Variants in BMPR1B observed in about 807,000 individuals in gnomAD.
The protein encoded by BMPR1B is bone morphogenetic protein receptor type 1B.
In BMPR1B, 12 loss-of-function variants were observed where a neutral mutation model predicts 59.1. The observed-to-expected ratio is 0.20, with a 90% CI of 0.13 to 0.33. BMPR1B has a LOEUF of 0.33. Among genes scored for constraint, BMPR1B ranks in the 10% least tolerant of loss-of-function variants. The pLI, the probability that BMPR1B is intolerant of heterozygous loss-of-function variation, is 1.00. For missense variants in BMPR1B, 550 were observed against 610.9 expected (o/e 0.90, Z 1.05); for synonymous variants, 237 against 207.3 (o/e 1.14, Z -1.23).
chr4:94,892,946 G>T (rs1453549443), intron 2 of BMPR1B, among the ~76,000 whole-genome samples: 1 of 151,994 alleles, frequency 6.6e-6, no homozygotes, highest in Non-Finnish European at 1.5e-5. Flanking sequence ...GCTTCAGTTT[G>T]TTCATCTGTA....
At chr4:94,789,290 A>G (rs1261509925) in intron 1 of BMPR1B, among the ~76,000 whole-genome samples, 1 of 152,192 alleles carries the variant, frequency 6.6e-6, no homozygotes, top group East Asian at 1.9e-4. Context: ...ACGACTGTGG[A>G]ATGGTCAACG....
intron 3 of BMPR1B, among the ~76,000 whole-genome samples, chr4:95,059,810 G>C (rs1336169028): frequency 6.6e-6 from 1 of 152,126 alleles, no homozygotes; most frequent in Non-Finnish European, 1.5e-5. Context: ...AGGGTTTTGA[G>C]CAAATTTTGG....
chr4:95,070,046 C>G (rs1257321260), intron 3 of BMPR1B, among the ~76,000 whole-genome samples: 1 of 152,172 alleles, frequency 6.6e-6, no homozygotes, highest in South Asian at 2.1e-4. Flanking sequence ...TTGCCATGAG[C>G]CAAGATTGCG....
chr4:94,773,044 A>G (rs544484756), intron 1 of BMPR1B, among the ~76,000 whole-genome samples: 1 of 152,248 alleles, frequency 6.6e-6, no homozygotes, highest in South Asian at 2.1e-4. Flanking sequence ...GTAATTTTTC[A>G]TCACAGTAAT....
chr4:94,904,155 T>C (rs1727940791), intron 2 of BMPR1B, among the ~76,000 whole-genome samples: 1 of 152,046 alleles, frequency 6.6e-6, no homozygotes. Context: ...TCATTCTTTA[T>C]ATTTTAAACA....
chr4:94,904,515 T>A (rs1248068589), intron 2 of BMPR1B, among the ~76,000 whole-genome samples: 1 of 152,072 alleles, frequency 6.6e-6, no homozygotes. Flanking sequence ...GCTTTTGCAG[T>A]AATGAGCTGT....
chr4:94,780,352 C>T (rs546776156), intron 1 of BMPR1B, among the ~76,000 whole-genome samples: 5 of 152,190 alleles, frequency 3.3e-5, no homozygotes, highest in Admixed American at 1.3e-4. Flanking sequence ...TGTGTCACTA[C>T]GTAATTCATT....
intron 1 of BMPR1B, among the ~76,000 whole-genome samples, chr4:94,862,698 C>T (rs1433170608): frequency 6.6e-6 from 1 of 151,278 alleles, no homozygotes; most frequent in Non-Finnish European, 1.5e-5. Context: ...GTAATCCCAG[C>T]ACTTTGGCAG....
chr4:94,846,608 G>T (rs1213691285), intron 1 of BMPR1B, among the ~76,000 whole-genome samples: 1 of 152,138 alleles, frequency 6.6e-6, no homozygotes, highest in Non-Finnish European at 1.5e-5. Context: ...TTGGGACTCA[G>T]ACTGGCTCTC....
chr4:94,923,206 G>C (rs1474918547), intron 2 of BMPR1B, among the ~76,000 whole-genome samples: 1 of 151,942 alleles, frequency 6.6e-6, no homozygotes. Flanking sequence ...GTACATGATG[G>C]TGAAGTTTTT....
intron 1 of BMPR1B, among the ~76,000 whole-genome samples, chr4:94,771,098 G>C (rs1336355274): frequency 6.6e-6 from 1 of 152,156 alleles, no homozygotes; most frequent in Non-Finnish European, 1.5e-5. Flanking sequence ...TGAAATGCAA[G>C]TACATACAAG....
intron 1 of BMPR1B, among the ~76,000 whole-genome samples, chr4:94,836,990 T>C (rs1724845038): frequency 6.9e-6 from 1 of 144,086 alleles, no homozygotes. Flanking sequence ...TAGCCAGTTT[T>C]CCCAGCACCG....
chr4:94,960,129 T>G (rs997253387), intron 2 of BMPR1B, among the ~76,000 whole-genome samples: 3 of 152,174 alleles, frequency 2.0e-5, no homozygotes, highest in Non-Finnish European at 4.4e-5. Context: ...AAAAATGTAG[T>G]AAATCTTCAT....
At chr4:95,044,433 G>A (rs554467895) in intron 3 of BMPR1B, among the ~76,000 whole-genome samples, 2 of 152,280 alleles carry the variant, frequency 1.3e-5, no homozygotes, top group South Asian at 2.1e-4. Context: ...TGCATAATGT[G>A]TGAATACTTA....
chr4:95,020,013 A>G (rs972094332), intron 3 of BMPR1B, among the ~76,000 whole-genome samples: 1 of 152,198 alleles, frequency 6.6e-6, no homozygotes, highest in Admixed American at 6.5e-5. Context: ...TATGCACCTT[A>G]TAGTTTATTA....
chr4:95,141,284 T>G (rs543393503), intron 10 of BMPR1B, among the ~76,000 whole-genome samples: 136 of 152,354 alleles, frequency 8.9e-4, no homozygotes, highest in African/African-American at 3.0e-3. Flanking sequence ...TTATATTGTA[T>G]TTGTGCACAT....
chr4:94,892,048 C>A (rs1365769181), intron 2 of BMPR1B, among the ~76,000 whole-genome samples: 2 of 151,948 alleles, frequency 1.3e-5, no homozygotes, highest in Non-Finnish European at 2.9e-5. Context: ...TGGTCCTTTT[C>A]AAAAAAACTC....
intron 2 of BMPR1B, among the ~76,000 whole-genome samples, chr4:94,936,949 G>C (rs1729329017): frequency 6.6e-6 from 1 of 152,076 alleles, no homozygotes; most frequent in Non-Finnish European, 1.5e-5. Flanking sequence ...TTCATCAGCA[G>C]AATGGATATC....
intron 2 of BMPR1B, among the ~76,000 whole-genome samples, chr4:94,936,392 G>A (rs1472824292): frequency 1.3e-5 from 2 of 152,194 alleles, no homozygotes; most frequent in Non-Finnish European, 2.9e-5. Context: ...AGTGACTGTA[G>A]ACTATTTACT....
Sources: allele counts gnomAD v4.1 joint callset (sites outside exome capture counted in the v4.1 genomes callset), GRCh38; gene constraint gnomAD v4.1.1; transcripts MANE v1.5; gene names NCBI Gene and HGNC (gene_info 2026-07-23, HGNC 2026-07-21).